MEF2A: variants seen among roughly 807,000 people sequenced by gnomAD.
MEF2A encodes myocyte-specific enhancer factor 2A.
MEF2A carries 28 observed loss-of-function variants against 55.8 expected under a neutral mutation model. The observed-to-expected ratio is 0.50, with a 90% CI of 0.37 to 0.69. The LOEUF (loss-of-function observed/expected upper bound fraction) is 0.69, where lower values mean the gene tolerates loss of function less well. Ranked by LOEUF, MEF2A falls within the 30% of genes least tolerant of loss-of-function variation. The pLI is 0.00. For missense variants in MEF2A, 528 were observed against 626.2 expected (o/e 0.84, Z 1.67); for synonymous variants, 239 against 227.1 (o/e 1.05, Z -0.47).
intron 2 of MEF2A, among the ~76,000 whole-genome samples, chr15:99,625,836 T>C (rs956243134): frequency 2.0e-5 from 3 of 152,162 alleles, no homozygotes; most frequent in African/African-American, 7.2e-5. Flanking sequence ...TGATCACCAT[T>C]ATAATCCTTT....
chr15:99,644,869 G>A (rs1344525456), intron 3 of MEF2A, among the ~76,000 whole-genome samples: 1 of 152,156 alleles, frequency 6.6e-6, no homozygotes, highest in East Asian at 1.9e-4. Flanking sequence ...TATGGCATGA[G>A]CTTCAGAGTA....
Position 99,712,830 on chromosome 15 carries a change from A to G in MEF2A, c.*59A>G. ...CTGCAGTGACCTGCCCTACATATCT[A>G]AATCGGTAAATAAGGACATGAGTTA... On this transcript the variant is annotated 3_prime_UTR_variant, in exon 12 of 12. Transcript: ENST00000557942. The surrounding 1 kb of genome is among the most constrained non-coding windows in gnomAD (Gnocchi z 4.1). 1 of 1,495,350 alleles carries G rather than the reference A, an allele frequency of 6.7e-7. No individual in the cohort carries two copies. The allele number at this position is 1,495,350 out of a possible 1,614,324, so 92.6% of individuals were successfully genotyped here.
chr15:99,595,420 AT>A (rs1364442752), intron 1 of MEF2A, among the ~76,000 whole-genome samples: 20 of 152,034 alleles, frequency 1.3e-4, no homozygotes, highest in African/African-American at 4.6e-4. Flanking sequence ...CCTATATTAT[AT>A]ATTCCTTATT....
chr15:99,672,385 A>G (rs2051060648), intron 5 of MEF2A, among the ~76,000 whole-genome samples: 1 of 152,228 alleles, frequency 6.6e-6, no homozygotes. Context: ...GTGAAAGAGT[A>G]TTTTTCTTTG....
At chr15:99,707,930 G>A (rs2058222259) in intron 10 of MEF2A, among the ~76,000 whole-genome samples, 2 of 142,388 alleles carry the variant, frequency 1.4e-5, no homozygotes, top group Admixed American at 7.2e-5. Context: ...ACAATAAAAG[G>A]TTTTATTGAA....
At chr15:99,708,683 A>T (rs1428298451) in intron 10 of MEF2A, among the ~76,000 whole-genome samples, 1 of 152,246 alleles carries the variant, frequency 6.6e-6, no homozygotes, top group Non-Finnish European at 1.5e-5. Flanking sequence ...GGCACTGGAA[A>T]TGCAGGAGTG....
chr15:99,641,049 G>A (rs954592124), intron 3 of MEF2A, among the ~76,000 whole-genome samples: 4 of 152,108 alleles, frequency 2.6e-5, no homozygotes, highest in Non-Finnish European at 5.9e-5. Context: ...CGTGATCCCA[G>A]TCGATCATAT....
At chr15:99,705,557 A>G (rs1412098084) in intron 9 of MEF2A, among the ~76,000 whole-genome samples, 1 of 152,226 alleles carries the variant, frequency 6.6e-6, no homozygotes, top group Non-Finnish European at 1.5e-5. Flanking sequence ...CAGGCAATAC[A>G]TCCACATCCA....
At chr15:99,604,793 T>G (rs1353967547) in intron 2 of MEF2A, among the ~76,000 whole-genome samples, 1 of 152,126 alleles carries the variant, frequency 6.6e-6, no homozygotes, top group Non-Finnish European at 1.5e-5. Flanking sequence ...TCTTTTTGTT[T>G]AAGCTTGTCA....
chr15:99,582,034 C>T (rs764547382), intron 1 of MEF2A, among the ~76,000 whole-genome samples: 1 of 151,638 alleles, frequency 6.6e-6, no homozygotes, highest in African/African-American at 2.4e-5. Context: ...TTTTTAATGC[C>T]GCTGGAATGT....
chr15:99,663,522 T>C (rs1165213050), intron 4 of MEF2A, among the ~76,000 whole-genome samples: 1 of 151,858 alleles, frequency 6.6e-6, no homozygotes, highest in African/African-American at 2.4e-5. Flanking sequence ...ATGGAAGTTT[T>C]TATGTATATA....
At chr15:99,631,537 A>G (rs2042941306) in intron 2 of MEF2A, among the ~76,000 whole-genome samples, 1 of 152,212 alleles carries the variant, frequency 6.6e-6, no homozygotes, top group Non-Finnish European at 1.5e-5. Flanking sequence ...AATTTAATTC[A>G]GATAAATGAA....
chr15:99,692,348 G>T (rs920589754), intron 8 of MEF2A, among the ~76,000 whole-genome samples: 1 of 152,118 alleles, frequency 6.6e-6, no homozygotes, highest in Non-Finnish European at 1.5e-5. Context: ...TGGTTATACA[G>T]AAATCTGGAA....
intron 8 of MEF2A, among the ~76,000 whole-genome samples, chr15:99,694,825 A>G (rs1348318250): frequency 1.3e-5 from 2 of 151,956 alleles, no homozygotes; most frequent in African/African-American, 2.4e-5. Flanking sequence ...CATTTATTCA[A>G]CCATTTATTT....
At chr15:99,667,546 G>C (rs1362853501) in intron 4 of MEF2A, among the ~76,000 whole-genome samples, 3 of 152,086 alleles carry the variant, frequency 2.0e-5, no homozygotes, top group East Asian at 3.9e-4. Flanking sequence ...TTATAAAGGT[G>C]ATTATATCAA....
intron 8 of MEF2A, among the ~76,000 whole-genome samples, chr15:99,701,504 T>C (rs2057386888): frequency 6.6e-6 from 1 of 152,220 alleles, no homozygotes; most frequent in Non-Finnish European, 1.5e-5. Context: ...ATCCAGGATC[T>C]GATCCTGGGT....
At chr15:99,666,632 AAAGG>A (rs1317919814) in intron 4 of MEF2A, among the ~76,000 whole-genome samples, 6 of 150,978 alleles carry the variant, frequency 4.0e-5, no homozygotes, top group Non-Finnish European at 5.9e-5. Flanking sequence ...CAAAGAAAAA[AAAGG>A]AAGGCTTTTA....
At chr15:99,644,561 G>T (rs1364275636) in intron 3 of MEF2A, among the ~76,000 whole-genome samples, 1 of 152,148 alleles carries the variant, frequency 6.6e-6, no homozygotes, top group Non-Finnish European at 1.5e-5. Context: ...TTAAGTCTAG[G>T]CCAGTAGTTA....
In MEF2A at chr15:99,566,078, G is replaced by T. The variant is rs1293087426; in HGVS notation, c.-251G>T. 6.6e-6 allele frequency: 1 copy of T among 152,266 alleles called. No individual in the cohort carries two copies. Among genetic ancestry groups the T allele is most frequent in the African/African-American group, 2.4e-5 (1 of 41,498 alleles). 9.4% of individuals were successfully genotyped at this position (152,266 alleles called of 1,614,324 possible). On this transcript the variant is annotated 5_prime_UTR_variant, in exon 1 of 12. Coordinates refer to ENST00000557942, the MANE Select transcript of MEF2A (RefSeq NM_001319206.4). ...GGCGGGCCCGGGCTGCGGCGTGTGC[G>T]CGCCCGCCAGCTGCTCCGGAGATAC... is the stretch of plus-strand genomic sequence containing the variant.
Sources: allele counts gnomAD v4.1 joint callset (sites outside exome capture counted in the v4.1 genomes callset), GRCh38; gene constraint gnomAD v4.1.1; non-coding constraint Gnocchi (gnomAD v3.1); transcripts MANE v1.5; gene names NCBI Gene and HGNC (gene_info 2026-07-23, HGNC 2026-07-21).